The following RABEPK variants were observed in gnomAD, a reference collection of about 807,000 sequenced individuals.
The protein encoded by RABEPK is 40 kDa Rab9 effector protein.
In RABEPK, 27 loss-of-function variants were observed where a neutral mutation model predicts 34.1. The ratio of observed to expected loss-of-function variants is 0.79; its 90% CI spans 0.58 to 1.09. The LOEUF (loss-of-function observed/expected upper bound fraction) is 1.09. Among genes scored for constraint, RABEPK ranks in the 50% least tolerant of loss-of-function variants. RABEPK has a pLI of 0.00. For missense variants in RABEPK, 449 were observed against 462.6 expected (o/e 0.97, Z 0.27); for synonymous variants, 172 against 169.2 (o/e 1.02, Z -0.13).
In RABEPK at chr9:125,213,463, G is replaced by T; in HGVS notation, c.305G>T (p.Trp102Leu). 3.1e-6 allele frequency: 5 copies of T among 1,614,100 alleles called. No individual in the cohort carries two copies. The highest frequency in any genetic ancestry group is 3.4e-6 in the Non-Finnish European group (4 of 1,180,018). ...FIPSCTPDRIWVFGGANQSGN... is the reference protein window; with the variant it reads ...FIPSCTPDRILVFGGANQSGN... Reference sequence around the variant, plus strand: ...CCCTCCTGCACACCTGACCGTATCTGGGTATTTGGAGGTGCCAACCAATCA... The same window carrying T: ...CCCTCCTGCACACCTGACCGTATCTTGGTATTTGGAGGTGCCAACCAATCA... The change falls in exon 4 of 8, where the codon TGG (tryptophan) becomes TTG (leucine). Residue 102 changes from tryptophan (W) to leucine (L), a missense_variant. Transcript: ENST00000373538.
At chr9:125,232,217 T>TACAC (rs34676967) in intron 6 of RABEPK, among the ~76,000 whole-genome samples, 2,641 of 118,142 alleles carry the variant, frequency 0.022, 81 homozygotes, top group African/African-American at 0.066. Context: ...GTATTTAAAG[T>TACAC]ACACACACAC....
Position 125,200,613 on chromosome 9 carries a change from G to T in RABEPK, c.-300G>T, listed in dbSNP as rs778582576. ...CCGGGGCTGGAGGGTAGGGGCGAGG[G>T]TCCCCGGATACCGGGTCTATCACGG... On this transcript the variant is annotated 5_prime_UTR_variant, in exon 1 of 8. Transcript: ENST00000373538. 77 of 458,408 alleles carry T rather than the reference G, an allele frequency of 1.7e-4. No homozygotes were observed. The highest frequency in any genetic ancestry group is 5.5e-5 in the Non-Finnish European group (12 of 218,302). 28.4% of individuals were successfully genotyped at this position (458,408 alleles called of 1,614,324 possible).
intron 4 of RABEPK, among the ~76,000 whole-genome samples, chr9:125,216,458 G>A (rs969871932): frequency 6.7e-6 from 1 of 150,260 alleles, no homozygotes; most frequent in African/African-American, 2.4e-5. Context: ...TCAGAGTTCA[G>A]GAACTAGGAC....
At chr9:125,217,505 A>T (rs1831005406) in intron 4 of RABEPK, among the ~76,000 whole-genome samples, 1 of 152,088 alleles carries the variant, frequency 6.6e-6, no homozygotes, top group African/African-American at 2.4e-5. Flanking sequence ...GGTTCAAATG[A>T]TTCTCCAGCC....
intron 7 of RABEPK, 25 bp from the exon 8 acceptor site, chr9:125,233,662 TG>T: frequency 6.3e-7 from 1 of 1,599,152 alleles, no homozygotes; most frequent in Non-Finnish European, 8.5e-7. Flanking sequence ...TTTCTTAACA[TG>T]AAGCCTTTTC....
chr9:125,233,124 A>G (rs1249049125), intron 7 of RABEPK, among the ~76,000 whole-genome samples: 2 of 151,624 alleles, frequency 1.3e-5, no homozygotes, highest in Admixed American at 6.6e-5. Flanking sequence ...CAGTGCTTCC[A>G]ATTTGGTTCC....
chr9:125,207,988 G>A (rs925588088), intron 3 of RABEPK, among the ~76,000 whole-genome samples: 2 of 152,112 alleles, frequency 1.3e-5, no homozygotes, highest in Non-Finnish European at 2.9e-5. Context: ...TTAGCCGGGT[G>A]TGGTAGTGGG....
intron 5 of RABEPK, among the ~76,000 whole-genome samples, chr9:125,223,148 C>T (rs1261051424): frequency 3.3e-5 from 5 of 152,068 alleles, no homozygotes; most frequent in Admixed American, 6.6e-5. Context: ...GGAATGGTGG[C>T]GGGCGCCTAT....
intron 5 of RABEPK, among the ~76,000 whole-genome samples, chr9:125,226,953 T>G (rs1831802476): frequency 6.6e-6 from 1 of 151,946 alleles, no homozygotes; most frequent in Non-Finnish European, 1.5e-5. Context: ...GCAGATCACC[T>G]AAAGTCAGGA....
At chr9:125,201,171 G>T (rs1407235116) in intron 1 of RABEPK, among the ~76,000 whole-genome samples, 2 of 152,220 alleles carry the variant, frequency 1.3e-5, no homozygotes, top group Non-Finnish European at 2.9e-5. Flanking sequence ...ACTTGGATGT[G>T]GGTGGAAGAG....
intron 5 of RABEPK, among the ~76,000 whole-genome samples, chr9:125,224,151 G>A (rs1225185898): frequency 1.3e-5 from 2 of 148,524 alleles, no homozygotes; most frequent in African/African-American, 2.5e-5. Context: ...AGCCAAGATC[G>A]CACCACTGCA....
At chr9:125,214,143 A>G (rs1489185578) in intron 4 of RABEPK, among the ~76,000 whole-genome samples, 1 of 152,008 alleles carries the variant, frequency 6.6e-6, no homozygotes, top group Non-Finnish European at 1.5e-5. Context: ...AAAAAGAAAA[A>G]AAAATTTTTT....
Position 125,220,462 on chromosome 9 carries a change from C to T in RABEPK, c.365-77C>T, listed in dbSNP as rs1477393257. Reference sequence around the variant, plus strand: ...CTGGGGATTGGAGTTTGGAAACTGACTTCACTCAGCCCCAGAGTCAAGGTC... The same window carrying T: ...CTGGGGATTGGAGTTTGGAAACTGATTTCACTCAGCCCCAGAGTCAAGGTC... On this transcript the variant is annotated intron_variant, in intron 4 of 7. Transcript: ENST00000373538. 6.6e-6 allele frequency: 10 copies of T among 1,524,932 alleles called. No individual in the cohort carries two copies. In the East Asian group the frequency reaches 1.4e-4, roughly 21 times the overall value. The allele number at this position is 1,524,932 out of a possible 1,614,324, so 94.5% of individuals were successfully genotyped here. A position where few individuals can be genotyped will look rare whatever the true frequency, so the allele number is the denominator to read the frequency against.
intron 6 of RABEPK, among the ~76,000 whole-genome samples, chr9:125,231,640 A>G (rs543056015): frequency 2.0e-5 from 3 of 152,058 alleles, no homozygotes; most frequent in Admixed American, 6.5e-5. Flanking sequence ...GTCTCTACTA[A>G]AAATACAAAA....
intron 4 of RABEPK, among the ~76,000 whole-genome samples, chr9:125,215,314 CTT>C (rs1054139180): frequency 7.3e-5 from 10 of 136,990 alleles, no homozygotes; most frequent in Non-Finnish European, 1.4e-4. Flanking sequence ...TTGTTGGTAA[CTT>C]TTTTTTTTTT....
chr9:125,229,426 G>A (rs1183781143), intron 6 of RABEPK, among the ~76,000 whole-genome samples: 2 of 152,092 alleles, frequency 1.3e-5, no homozygotes, highest in African/African-American at 2.4e-5. Flanking sequence ...GTGAGACTCC[G>A]TCTCAAAGAA....
chr9:125,208,612 C>G (rs1224599913), intron 3 of RABEPK, among the ~76,000 whole-genome samples: 3 of 151,324 alleles, frequency 2.0e-5, no homozygotes, highest in Non-Finnish European at 4.4e-5. Flanking sequence ...CTCAGCTGAC[C>G]GCAACCTGTG....
chr9:125,205,992 G>A lies in RABEPK; in HGVS notation c.54-1572G>A, dbSNP rs1033888464. 9.9e-5 allele frequency among the ~76,000 whole-genome samples: 15 copies of A among 152,158 alleles called. No individual in the cohort carries two copies. The East Asian group carries it at 2.1e-3, about 21-fold the overall frequency. ...GGAGGTGGCTGGTAGGAAAGGAGTC[G>A]GAGAAGGAAGCAGAAAGGACAACCA... is the stretch of plus-strand genomic sequence containing the variant. On this transcript the variant is annotated intron_variant, in intron 2 of 7. Transcript: ENST00000373538.
rs553775135 is a variant in RABEPK, at chr9:125,204,095, G to A, written c.53+1029G>A. ...CATGCCTGTAATCCCAGCACTTTGG[G>A]AGGCCGAGGTGGGCGGATCACGAGG... On this transcript the variant is annotated intron_variant, in intron 2 of 7. Coordinates refer to ENST00000373538, the MANE Select transcript of RABEPK (RefSeq NM_005833.4). Among the ~76,000 whole-genome samples, 204 of 151,734 alleles carry A rather than the reference G, an allele frequency of 1.3e-3. No individual in the cohort carries two copies. In the Middle Eastern group the frequency reaches 0.017, roughly 13 times the overall value.
Sources: gnomAD v4.1 joint callset for allele counts (sites outside exome capture counted in the v4.1 genomes callset) on GRCh38, gnomAD v4.1.1 for gene constraint, MANE v1.5 for transcripts, NCBI Gene and HGNC (gene_info 2026-07-23, HGNC 2026-07-21) for gene names.